Variants in SAMD5 observed in about 807,000 individuals in gnomAD.
SAMD5 encodes the protein sterile alpha motif domain-containing protein 5.
In SAMD5, 13 loss-of-function variants were observed where a neutral mutation model predicts 11.3. That is an observed-to-expected ratio of 1.15 (90% CI 0.75 to 1.83). The LOEUF (loss-of-function observed/expected upper bound fraction) is 1.83, where lower values mean the gene tolerates loss of function less well. Ranked by LOEUF, SAMD5 falls within the 40% of genes most tolerant of loss-of-function variation. The pLI, the probability that SAMD5 is intolerant of heterozygous loss-of-function variation, is 0.00. For missense variants in SAMD5, 255 were observed against 239.1 expected (o/e 1.07, Z -0.44); for synonymous variants, 129 against 111.3 (o/e 1.16, Z -1.00).
At chr6:147,560,596 G>T (rs1009101711) in intron 1 of SAMD5, among the ~76,000 whole-genome samples, 18 of 152,104 alleles carry the variant, frequency 1.2e-4, no homozygotes, top group Admixed American at 5.9e-4. Flanking sequence ...ATGGTGTTTA[G>T]CCTGCATATC....
intron 1 of SAMD5, among the ~76,000 whole-genome samples, chr6:147,538,947 A>C (rs998917686): frequency 1.3e-5 from 2 of 152,128 alleles, no homozygotes; most frequent in African/African-American, 4.8e-5. Context: ...AACATCACCC[A>C]CACACACAAC....
chr6:147,689,327 A>G (rs1664300484), intron 1 of SAMD5, among the ~76,000 whole-genome samples: 1 of 152,256 alleles, frequency 6.6e-6, no homozygotes, highest in African/African-American at 2.4e-5. Context: ...GTTTAGTACT[A>G]AAATGGAAAG....
At chr6:147,751,839 T>C in the SAMD5 span, among the ~76,000 whole-genome samples, 10 of 152,282 alleles carry the variant, frequency 6.6e-5, no homozygotes, top group African/African-American at 2.4e-4. Context: ...TTCTTTTTTT[T>C]CAGAAGAGAT....
At chr6:147,845,497 A>G in the SAMD5 span, among the ~76,000 whole-genome samples, 1 of 152,180 alleles carries the variant, frequency 6.6e-6, no homozygotes, top group African/African-American at 2.4e-5. Context: ...TCATCTGACA[A>G]AAGACTTGCA....
chr6:147,885,703 A>C, the SAMD5 span, among the ~76,000 whole-genome samples: 1 of 152,328 alleles, frequency 6.6e-6, no homozygotes, highest in South Asian at 2.1e-4. Flanking sequence ...ATATAAGAGA[A>C]GACTGCTGCT....
chr6:147,579,708 C>T (rs747387032), intron 1 of SAMD5, among the ~76,000 whole-genome samples: 1 of 152,044 alleles, frequency 6.6e-6, no homozygotes, highest in Non-Finnish European at 1.5e-5. Context: ...CCACCTGCCT[C>T]GGCCTCCAAA....
intron 1 of SAMD5, among the ~76,000 whole-genome samples, chr6:147,694,479 C>G (rs1357080313): frequency 6.6e-6 from 1 of 152,110 alleles, no homozygotes; most frequent in African/African-American, 2.4e-5. Context: ...GGGCAGAATT[C>G]TTCATCAAAC....
Position 147,566,562 on chromosome 6 carries a change from G to C in SAMD5, c.*2106G>C, listed in dbSNP as rs1034890240. 37 of 983,590 alleles carry C rather than the reference G, an allele frequency of 3.8e-5. No homozygotes were observed. The highest frequency in any genetic ancestry group is 2.8e-4 in the African/African-American group (16 of 57,120). The allele number at this position is 983,590 out of a possible 1,614,324, so 60.9% of individuals were successfully genotyped here. A position where few individuals can be genotyped will look rare whatever the true frequency, so the allele number is the denominator to read the frequency against. ...GAGGCAATCTACTGCAATGGAAAAA[G>C]GGTTCCTTGGTCATTTCAAGTTTTA... is the stretch of plus-strand genomic sequence containing the variant. On this transcript the variant is annotated 3_prime_UTR_variant, in exon 2 of 2. Coordinates refer to ENST00000367474, the MANE Select transcript of SAMD5 (RefSeq NM_001030060.3).
At chr6:147,571,304 A>C (rs1219383419), downstream of SAMD5, among the ~76,000 whole-genome samples, 1 of 152,216 alleles carries the variant, frequency 6.6e-6, no homozygotes. Context: ...AGGATGGTTT[A>C]TATCGTTAAT....
intron 1 of SAMD5, among the ~76,000 whole-genome samples, chr6:147,647,615 G>A (rs1023590389): frequency 3.3e-5 from 5 of 152,044 alleles, no homozygotes; most frequent in African/African-American, 1.2e-4. Context: ...AGGATGAGTT[G>A]GCCACAGTAG....
chr6:147,740,296 A>G (rs762968889), downstream of SAMD5, among the ~76,000 whole-genome samples: 8 of 152,202 alleles, frequency 5.3e-5, no homozygotes, highest in Non-Finnish European at 8.8e-5. Context: ...TCTACTGCTC[A>G]AATATCTGGG....
the SAMD5 span, among the ~76,000 whole-genome samples, chr6:147,868,884 CT>C: frequency 6.6e-6 from 1 of 152,136 alleles, no homozygotes; most frequent in Non-Finnish European, 1.5e-5. Flanking sequence ...AACTTTGCCC[CT>C]ATAAGTTGTA....
At chr6:147,680,967 G>C (rs1369848798) in intron 1 of SAMD5, among the ~76,000 whole-genome samples, 1 of 152,036 alleles carries the variant, frequency 6.6e-6, no homozygotes, top group African/African-American at 2.4e-5. Context: ...TTTTCCTGTA[G>C]TCATTTTTTA....
the SAMD5 span, among the ~76,000 whole-genome samples, chr6:147,876,517 T>C: frequency 1.2e-4 from 18 of 152,198 alleles, no homozygotes; most frequent in Non-Finnish European, 2.4e-4. Flanking sequence ...CTTTGGTTGG[T>C]GAATGGCACC....
At chr6:147,765,244 T>A in the SAMD5 span, among the ~76,000 whole-genome samples, 2 of 152,338 alleles carry the variant, frequency 1.3e-5, no homozygotes, top group East Asian at 3.9e-4. Flanking sequence ...AACTCTCCTT[T>A]GTTAGCTCTG....
Position 147,565,845 on chromosome 6 carries a change from A to C in SAMD5, c.*1389A>C. On this transcript the variant is annotated 3_prime_UTR_variant, in exon 2 of 2. Coordinates refer to ENST00000367474, the MANE Select transcript of SAMD5 (RefSeq NM_001030060.3). ...CTTAGTTGAAAGAAGCCATGGCAAA[A>C]GATGTTGACGTACAACTGGCTCCTG... 3.0e-6 allele frequency: 3 copies of C among 985,416 alleles called. No homozygotes were observed. Among genetic ancestry groups the C allele is most frequent in the Non-Finnish European group, 3.6e-6 (3 of 829,926 alleles). The allele number at this position is 985,416 out of a possible 1,614,324, so 61.0% of individuals were successfully genotyped here.
the SAMD5 span, among the ~76,000 whole-genome samples, chr6:147,845,062 C>T: frequency 4.3e-4 from 65 of 152,108 alleles, no homozygotes; most frequent in Middle Eastern, 0.014. Context: ...TTGATTATTC[C>T]GCATTGTATA....
chr6:147,670,195 A>T (rs1048077645), intron 1 of SAMD5, among the ~76,000 whole-genome samples: 1 of 152,212 alleles, frequency 6.6e-6, no homozygotes, highest in Non-Finnish European at 1.5e-5. Context: ...TGAGAAGTAG[A>T]TCTCAACAAT....
chr6:147,834,128 C>A, the SAMD5 span, among the ~76,000 whole-genome samples: 1 of 152,188 alleles, frequency 6.6e-6, no homozygotes. Context: ...TATTTTTGAG[C>A]AGTGGCATAA....
Sources: gnomAD v4.1 joint callset for allele counts (sites outside exome capture counted in the v4.1 genomes callset) on GRCh38, gnomAD v4.1.1 for gene constraint, MANE v1.5 for transcripts, NCBI Gene and HGNC (gene_info 2026-07-23, HGNC 2026-07-21) for gene names.